KDM8: variants seen among roughly 807,000 people sequenced by gnomAD.
KDM8 encodes bifunctional peptidase and arginyl-hydroxylase JMJD5.
KDM8 carries 35 observed loss-of-function variants against 46.9 expected under a neutral mutation model. The ratio of observed to expected loss-of-function variants is 0.75; its 90% CI spans 0.57 to 0.99. The LOEUF (loss-of-function observed/expected upper bound fraction) is 0.99, where lower values mean the gene tolerates loss of function less well. Ranked by LOEUF, KDM8 falls within the 50% of genes least tolerant of loss-of-function variation. The probability of loss-of-function intolerance (pLI) is 0.00; values close to 1 mark genes in which losing one functional copy is unlikely to be tolerated. For synonymous variants in KDM8, 232 were observed against 227.7 expected (o/e 1.02, Z -0.17); for missense variants, 475 against 537.0 (o/e 0.88, Z 1.14).
rs140385064 is a variant in KDM8 at position 27,210,474 on chromosome 16, C to T, written c.351C>T (p.Ala117=). The T allele has an allele frequency of 1.7e-3, 2,632 of 1,585,326 alleles. 3 individuals are homozygous for T. Among genetic ancestry groups the T allele is most frequent in the Non-Finnish European group, 2.0e-3 (2,342 of 1,161,634 alleles). Residue 117 remains alanine, a synonymous_variant, in exon 2 of 8, where the codon GCC becomes GCT. Coordinates refer to ENST00000286096, the MANE Select transcript of KDM8 (RefSeq NM_024773.3). ...CQAPEDANTV[A]AALRVCDMGL... is the part of the protein sequence containing the mutation. ...CACCTGAGGATGCCAACACTGTGGCCGCAGCCCTGCGGGTCTGTGACATGG... is the reference window on the plus strand; with the variant it reads ...CACCTGAGGATGCCAACACTGTGGCTGCAGCCCTGCGGGTCTGTGACATGG...
chr16:27,209,265 G>T (rs901647632), intron 1 of KDM8, among the ~76,000 whole-genome samples: 2 of 152,192 alleles, frequency 1.3e-5, no homozygotes, highest in Non-Finnish European at 2.9e-5. Context: ...TCAGGATCTT[G>T]CTCTGTCACC....
intron 1 of KDM8, among the ~76,000 whole-genome samples, chr16:27,208,508 G>A (rs2083448349): frequency 2.0e-5 from 3 of 152,200 alleles, no homozygotes; most frequent in Admixed American, 2.0e-4. Flanking sequence ...GGTTTACAAA[G>A]CTGGTACATA....
At chr16:27,216,159 G>A (rs550820887) in intron 5 of KDM8, 170 bp downstream of exon 5, 4 of 669,336 alleles carry the variant, frequency 6.0e-6, no homozygotes, top group African/African-American at 5.3e-5. Context: ...TAAAGTGACA[G>A]GAAACACTGG....
intron 6 of KDM8, among the ~76,000 whole-genome samples, chr16:27,219,864 G>A (rs757878828): frequency 4.6e-5 from 7 of 152,184 alleles, no homozygotes; most frequent in African/African-American, 9.7e-5. Context: ...ACAGACAAGC[G>A]CCTAATAATT....
In KDM8 at chr16:27,214,860, T is replaced by C. The variant is rs746639996; in HGVS notation, c.666-16T>C. The C allele has an allele frequency of 3.5e-5, 56 of 1,613,742 alleles. No homozygotes were observed. Among genetic ancestry groups the C allele is most frequent in the Non-Finnish European group, 4.6e-5 (54 of 1,179,748 alleles). ...GATATTAGCAGTGACGATGCCAATGTGTGTCTTTCTGCTAGTTTGGAGTAT... is the reference window on the plus strand; with the variant it reads ...GATATTAGCAGTGACGATGCCAATGCGTGTCTTTCTGCTAGTTTGGAGTAT... On this transcript the variant is annotated splice_polypyrimidine_tract_variant and intron_variant, in intron 3 of 7. Transcript: ENST00000286096.
intron 6 of KDM8, among the ~76,000 whole-genome samples, chr16:27,219,801 T>A (rs1021930591): frequency 3.9e-5 from 6 of 152,130 alleles, no homozygotes; most frequent in Non-Finnish European, 7.3e-5. Flanking sequence ...ATAAACCACC[T>A]CAGAGAGGAT....
In KDM8 at chr16:27,221,294, C is replaced by T. The variant is rs1006263524; in HGVS notation, c.*564C>T. 24 of 225,758 alleles carry T rather than the reference C, an allele frequency of 1.1e-4. No individual in the cohort carries two copies. The highest frequency in any genetic ancestry group is 1.6e-4 in the Non-Finnish European group (18 of 112,296). The allele number at this position is 225,758 out of a possible 1,614,324, so 14.0% of individuals were successfully genotyped here. On this transcript the variant is annotated 3_prime_UTR_variant, in exon 8 of 8. Transcript: ENST00000286096. ...ATCCTTTTGCCCTTCCTTCCCATAA[C>T]GGCCTGCTGGACGCCACAGCCTGAA... is the stretch of plus-strand genomic sequence containing the variant.
rs1332391966 is a variant in KDM8 at position 27,215,904 on chromosome 16, T to C, written c.799-41T>C. 6.2e-6 allele frequency: 10 copies of C among 1,610,964 alleles called. No homozygotes were observed. In the East Asian group the frequency reaches 2.2e-4, roughly 36 times the overall value. ...CAGGAGGGCATCTGTCATGACTAACTGGGCTTTCTGTGTTGCCTCTGGTTT... is the reference window on the plus strand; with the variant it reads ...CAGGAGGGCATCTGTCATGACTAACCGGGCTTTCTGTGTTGCCTCTGGTTT... On this transcript the variant is annotated intron_variant, in intron 4 of 7. Transcript: ENST00000286096.
intron 1 of KDM8, among the ~76,000 whole-genome samples, chr16:27,208,019 C>T (rs1159944149): frequency 1.3e-5 from 2 of 152,176 alleles, no homozygotes; most frequent in East Asian, 1.9e-4. Context: ...ATATTGTCAA[C>T]GTAAGTATCT....
chr16:27,217,909 G>A (rs1476305551), intron 5 of KDM8, among the ~76,000 whole-genome samples: 1 of 152,020 alleles, frequency 6.6e-6, no homozygotes, highest in African/African-American at 2.4e-5. Context: ...TGGGCTGGTG[G>A]CCTGCTCTGG....
In KDM8 at chr16:27,210,629, G is replaced by T; in HGVS notation, c.498+8G>T. ...GAGCAACCCTGCACAAAGGTATGTG[G>T]GGGAGATTCTCCCCAAGCACACTAG... On this transcript the variant is annotated splice_region_variant and intron_variant, in intron 2 of 7. Coordinates refer to ENST00000286096, the MANE Select transcript of KDM8 (RefSeq NM_024773.3). The T allele has an allele frequency of 6.6e-7, 1 of 1,504,094 alleles. No homozygotes were observed. 93.2% of individuals were successfully genotyped at this position (1,504,094 alleles called of 1,614,324 possible). A position where few individuals can be genotyped will look rare whatever the true frequency, so the allele number is the denominator to read the frequency against.
At chr16:27,216,102 TGA>T in intron 5 of KDM8, 113 bp downstream of exon 5, 1 of 1,177,092 alleles carries the variant, frequency 8.5e-7, no homozygotes, top group Non-Finnish European at 1.3e-6. Context: ...AGGCAGCAGG[TGA>T]GGCTAGGAAG....
intron 1 of KDM8, among the ~76,000 whole-genome samples, chr16:27,209,051 C>T (rs530814398): frequency 2.0e-5 from 3 of 152,318 alleles, no homozygotes; most frequent in South Asian, 2.1e-4. Context: ...TGCTTAACCT[C>T]GAAATCTCAG....
At chr16:27,214,745 C>A in intron 3 of KDM8, 131 bp from the exon 4 acceptor site, 1 of 975,002 alleles carries the variant, frequency 1.0e-6, no homozygotes, top group Non-Finnish European at 1.6e-6. Context: ...ATCAGTGAAG[C>A]TGGGGATGAC....
Position 27,213,651 on chromosome 16 carries a change from C to T in KDM8, c.565C>T (p.Arg189Cys), listed in dbSNP as rs572821594. ...KLEKTVPRLH[R>C]PSLQHFREQF... is the part of the protein sequence containing the mutation. ...AGAAAAAACAGTCCCCCGGCTGCAC[C>T]GTCCGTCCCTCCAGCATTTCAGGGA... Residue 189 changes from arginine (R) to cysteine (C), a missense_variant, in exon 3 of 8, where the codon CGT (arginine) becomes TGT (cysteine). Coordinates refer to ENST00000286096, the MANE Select transcript of KDM8 (RefSeq NM_024773.3). 8.7e-6 allele frequency: 14 copies of T among 1,614,200 alleles called. No individual in the cohort carries two copies. The highest frequency in any genetic ancestry group is 2.2e-5 in the East Asian group (1 of 44,884).
At position 27,220,865 on chromosome 16, in the gene KDM8, C is replaced by CT. The variant is rs776374809; in HGVS notation, c.*136dup. ...GAGCCTTCACTGCCCAGTGGCAGCC[C>CT]TGGGGGGCTGAGCTCCAGCACTGGA... On this transcript the variant is annotated 3_prime_UTR_variant, in exon 8 of 8. Coordinates refer to ENST00000286096, the MANE Select transcript of KDM8 (RefSeq NM_024773.3). The CT allele has an allele frequency of 1.3e-4, 136 of 1,071,050 alleles. No homozygotes were observed. Among genetic ancestry groups the CT allele is most frequent in the Middle Eastern group, 2.5e-4 (1 of 4,022 alleles). 66.3% of individuals were successfully genotyped at this position (1,071,050 alleles called of 1,614,324 possible).
chr16:27,204,029 C>T lies in KDM8; in HGVS notation c.-32+393C>T, dbSNP rs768750512. ...TATATGTGTGTCCGCTGCTTTTAGG[C>T]AACCAGCCGCTGCCCCTGGGCCGCA... is the stretch of plus-strand genomic sequence containing the variant. On this transcript the variant is annotated intron_variant, in intron 1 of 7. Coordinates refer to ENST00000286096, the MANE Select transcript of KDM8 (RefSeq NM_024773.3). 1.2e-4 allele frequency: 169 copies of T among 1,418,606 alleles called. 1 individual carries two copies. The highest frequency in any genetic ancestry group is 1.1e-3 in the Admixed American group (53 of 47,066). The allele number at this position is 1,418,606 out of a possible 1,614,324, so 87.9% of individuals were successfully genotyped here. A position where few individuals can be genotyped will look rare whatever the true frequency, so the allele number is the denominator to read the frequency against.
At chr16:27,218,402 C>T (rs899710340) in intron 5 of KDM8, among the ~76,000 whole-genome samples, 5 of 152,212 alleles carry the variant, frequency 3.3e-5, no homozygotes, top group Non-Finnish European at 7.4e-5. Context: ...TGGGGAGCCG[C>T]GCCACCCTTA....
At chr16:27,214,113 G>C (rs996800190) in intron 3 of KDM8, 7 of 178,384 alleles carry the variant, frequency 3.9e-5, no homozygotes, top group Middle Eastern at 4.6e-3. Flanking sequence ...CTCTCTCTCT[G>C]AGGGATTCTG....
Sources: gnomAD v4.1 joint callset for allele counts (sites outside exome capture counted in the v4.1 genomes callset) on GRCh38, gnomAD v4.1.1 for gene constraint, MANE v1.5 for transcripts, NCBI Gene and HGNC (gene_info 2026-07-23, HGNC 2026-07-21) for gene names.